Variants in DNAJC17 observed in about 807,000 individuals in gnomAD.
DNAJC17 encodes DnaJ heat shock protein family (Hsp40) member C17, also known as dnaJ homolog subfamily C member 17.
Under a neutral mutation model 48.1 loss-of-function variants are expected in DNAJC17, and 35 were observed. That is an observed-to-expected ratio of 0.73 (90% CI 0.56 to 0.96). DNAJC17 has a LOEUF of 0.96. DNAJC17 is among the 50% of genes least tolerant of loss of function. The probability of loss-of-function intolerance (pLI) is 0.00; values close to 1 mark genes in which losing one functional copy is unlikely to be tolerated. For missense variants in DNAJC17, 355 were observed against 377.1 expected (o/e 0.94, Z 0.48); for synonymous variants, 117 against 142.7 (o/e 0.82, Z 1.28).
intron 1 of DNAJC17, among the ~76,000 whole-genome samples, chr15:40,790,311 C>T (rs1189758605): frequency 1.3e-5 from 2 of 152,142 alleles, no homozygotes; most frequent in Admixed American, 6.6e-5. Context: ...CAGAGGCTCA[C>T]GCCTGTAATA....
intron 1 of DNAJC17, among the ~76,000 whole-genome samples, chr15:40,792,926 C>T (rs1446129923): frequency 7.3e-6 from 1 of 136,712 alleles, no homozygotes; most frequent in Non-Finnish European, 1.5e-5. Flanking sequence ...GAGATGGTCT[C>T]ACTTGTCACC....
Position 40,770,159 on chromosome 15 carries a change from C to T in DNAJC17, c.793-2097G>A, listed in dbSNP as rs2141944276. On this transcript the variant is annotated intron_variant, in intron 10 of 10. Coordinates refer to ENST00000220496, the MANE Select transcript of DNAJC17 (RefSeq NM_018163.3). The surrounding 1 kb of genome is among the most constrained non-coding windows in gnomAD (Gnocchi z 5.0). ...AGCCCGAGAAGGTCCACCTCTGCCTCCGCCGGAGCTGCCCTCATTCTGGCT... is the reference window on the plus strand; with the variant it reads ...AGCCCGAGAAGGTCCACCTCTGCCTTCGCCGGAGCTGCCCTCATTCTGGCT... 2 of 260,074 alleles carry T rather than the reference C, an allele frequency of 7.7e-6. No individual in the cohort carries two copies. Among genetic ancestry groups the T allele is most frequent in the East Asian group, 1.7e-4 (2 of 11,926 alleles). 16.1% of individuals were successfully genotyped at this position (260,074 alleles called of 1,614,324 possible).
rs1888939737 is a variant in DNAJC17 at position 40,766,028 on chromosome 15, C to G, written c.*1912G>C. On this transcript the variant is annotated 3_prime_UTR_variant, in exon 11 of 11. Transcript: ENST00000220496. ...AGGGACAGGGCCCAGCATCAGAGCCCCCTGCCTGCATCCTGGGGCTCTGTT... is the reference window on the plus strand; with the variant it reads ...AGGGACAGGGCCCAGCATCAGAGCCGCCTGCCTGCATCCTGGGGCTCTGTT... The G allele has an allele frequency of 6.0e-6, 3 of 501,390 alleles. No homozygotes were observed. The highest frequency in any genetic ancestry group is 1.1e-5 in the Non-Finnish European group (3 of 281,196). The allele number at this position is 501,390 out of a possible 1,614,324, so 31.1% of individuals were successfully genotyped here. A position where few individuals can be genotyped will look rare whatever the true frequency, so the allele number is the denominator to read the frequency against.
At chr15:40,774,689 T>C (rs189449509) in intron 8 of DNAJC17, among the ~76,000 whole-genome samples, 5 of 152,390 alleles carry the variant, frequency 3.3e-5, no homozygotes, top group Admixed American at 3.3e-4. Context: ...TTTCATTGCA[T>C]AGCGTCCTTG....
intron 1 of DNAJC17, among the ~76,000 whole-genome samples, chr15:40,798,901 G>A (rs950447452): frequency 5.9e-5 from 9 of 152,214 alleles, no homozygotes; most frequent in South Asian, 2.1e-4. Context: ...GTGGTGCCCC[G>A]CCTTGTGAGT....
rs1888984517 is a variant in DNAJC17 at position 40,767,754 on chromosome 15, C to T, written c.*186G>A. 1 of 791,894 alleles carries T rather than the reference C, an allele frequency of 1.3e-6. No homozygotes were observed. The allele number at this position is 791,894 out of a possible 1,614,324, so 49.1% of individuals were successfully genotyped here. Reference sequence around the variant, plus strand: ...GTGCACGGACTCTGGGACTCTCACCCTGCGGAGCGTTTCCCTGGGGGTCTG... The same window carrying T: ...GTGCACGGACTCTGGGACTCTCACCTTGCGGAGCGTTTCCCTGGGGGTCTG... On this transcript the variant is annotated 3_prime_UTR_variant, in exon 11 of 11. Transcript: ENST00000220496.
chr15:40,806,795 T>C (rs960967764), intron 1 of DNAJC17, among the ~76,000 whole-genome samples: 1 of 152,222 alleles, frequency 6.6e-6, no homozygotes, highest in Non-Finnish European at 1.5e-5. Context: ...CTTCTGATCC[T>C]CCTGCTTTTA....
intron 4 of DNAJC17, among the ~76,000 whole-genome samples, chr15:40,778,062 C>G (rs57191378): frequency 0.05 from 7,533 of 151,682 alleles, 646 homozygotes; most frequent in African/African-American, 0.17. Context: ...CACAGCGGCT[C>G]GCACCTGTAG....
chr15:40,788,465 G>A (rs542443489), intron 1 of DNAJC17, among the ~76,000 whole-genome samples: 56 of 152,324 alleles, frequency 3.7e-4, no homozygotes, highest in African/African-American at 1.3e-3. Context: ...GGGAGGCCGA[G>A]GTGGGTGGAT....
chr15:40,807,189 G>C, intron 1 of DNAJC17, 180 bp downstream of exon 1: 1 of 1,444,068 alleles, frequency 6.9e-7, no homozygotes, highest in Non-Finnish European at 9.2e-7. Context: ...TTCCTCTTGA[G>C]GCCCTCGGAC....
At chr15:40,774,263 G>C in intron 9 of DNAJC17, 93 bp downstream of exon 9, 1 of 1,410,952 alleles carries the variant, frequency 7.1e-7, no homozygotes, top group Non-Finnish European at 1.0e-6. Context: ...CCCTAGGAGT[G>C]CAGACCACCT....
rs761449037 is a variant in DNAJC17 at position 40,776,243 on chromosome 15, C to G, written c.431G>C (p.Arg144Thr). 2.5e-6 allele frequency: 4 copies of G among 1,614,180 alleles called. No homozygotes were observed. The East Asian group carries it at 8.9e-5, about 36-fold the overall frequency. The change falls in exon 6 of 11, where the codon AGG becomes ACG. Residue 144 changes from arginine to threonine, a missense_variant. Arg to Thr is a moderately conservative substitution (Grantham distance 71). Around this residue, in one of 3 missense-constraint regions of DNAJC17, gnomAD observed 199 missense variants for 199.9 expected, o/e 1.00. Coordinates refer to ENST00000220496, the MANE Select transcript of DNAJC17 (RefSeq NM_018163.3). The stretch of plus-strand genomic sequence containing the variant: ...CTGGCGTATCTGCTCCCGGATGAGC[C>G]TCTGCTGTTCCTCCAGCTGCCGGGA... ...EGSRQLEEQQ[R>T]LIREQIRQER...
At chr15:40,773,660 G>A (rs1889223053) in intron 10 of DNAJC17, 67 bp downstream of exon 10, 1 of 1,301,248 alleles carries the variant, frequency 7.7e-7, no homozygotes, top group African/African-American at 1.5e-5. Flanking sequence ...GAAAGAGCCT[G>A]AGAGGAGCCC....
Position 40,767,200 on chromosome 15 carries a change from AC to A in DNAJC17, c.*739del, listed in dbSNP as rs137970311. 365 of 1,456,848 alleles carry A rather than the reference AC, an allele frequency of 2.5e-4. No homozygotes were observed. The highest frequency in any genetic ancestry group is 3.0e-4 in the East Asian group (11 of 37,120). 90.2% of individuals were successfully genotyped at this position (1,456,848 alleles called of 1,614,324 possible). On this transcript the variant is annotated 3_prime_UTR_variant, in exon 11 of 11. Coordinates refer to ENST00000220496, the MANE Select transcript of DNAJC17 (RefSeq NM_018163.3). Reference sequence around the variant, plus strand: ...AGGAGCTTGCTGTGTGCCCCTCCTCACCCCCCCCATCCTGTCTCTTTGCAGT... The same window carrying A: ...AGGAGCTTGCTGTGTGCCCCTCCTCACCCCCCCATCCTGTCTCTTTGCAGT...
At chr15:40,807,056 G>A (rs568476251) in intron 1 of DNAJC17, 17 of 595,688 alleles carry the variant, frequency 2.9e-5, no homozygotes, top group Admixed American at 2.8e-4. Flanking sequence ...CGGAAACGGA[G>A]GCCGAGACTG....
In DNAJC17 at chr15:40,779,579, T is replaced by C. The variant is rs1889423415; in HGVS notation, c.173A>G (p.Gln58Arg). 4.3e-6 allele frequency: 7 copies of C among 1,613,698 alleles called. No individual in the cohort carries two copies. Among genetic ancestry groups the C allele is most frequent in the Non-Finnish European group, 5.1e-6 (6 of 1,179,970 alleles). Residue 58 changes from glutamine to arginine, a missense_variant, in exon 3 of 11, where the codon CAG becomes CGG. By Grantham distance (43) the Gln-to-Arg change is conservative. This residue lies in a region of DNAJC17 where 199 missense variants were observed against 199.9 expected (regional missense o/e 1.00). Transcript: ENST00000220496. ...AGCATCGGTCAGCACCTCCAAGGCC[T>C]GAGAAAGCTGGTGGAAGAGTTCAGC... ...RAAELFHQLS[Q>R]ALEVLTDAAA... is the part of the protein sequence containing the mutation.
intron 1 of DNAJC17, chr15:40,807,127 G>A (rs1380910043): frequency 3.1e-6 from 3 of 975,728 alleles, no homozygotes; most frequent in East Asian, 2.7e-5. Flanking sequence ...TAGGAGACAG[G>A]GGCCACGGGG....
rs1238828208 is a variant in DNAJC17, at chr15:40,765,925, A to C, written c.*2015T>G. On this transcript the variant is annotated 3_prime_UTR_variant, in exon 11 of 11. Coordinates refer to ENST00000220496, the MANE Select transcript of DNAJC17 (RefSeq NM_018163.3). ...GAAGAGCCTTGGGAAACAACTTGTA[A>C]GTAGCAGCCTCCCTCAGTATCCTCT... 2 of 1,495,756 alleles carry C rather than the reference A, an allele frequency of 1.3e-6. No individual in the cohort carries two copies. Among genetic ancestry groups the C allele is most frequent in the African/African-American group, 1.4e-5 (1 of 72,332 alleles). 92.7% of individuals were successfully genotyped at this position (1,495,756 alleles called of 1,614,324 possible). A position where few individuals can be genotyped will look rare whatever the true frequency, so the allele number is the denominator to read the frequency against.
At chr15:40,771,001 T>G (rs1454775678) in intron 10 of DNAJC17, 1 of 1,550,694 alleles carries the variant, frequency 6.4e-7, no homozygotes, top group African/African-American at 1.4e-5. Context: ...AGGGAGCAGT[T>G]TCCTAGCGAG....
Sources: allele counts gnomAD v4.1 joint callset (sites outside exome capture counted in the v4.1 genomes callset), GRCh38; gene constraint gnomAD v4.1.1; regional missense constraint gnomAD v4.1.1; non-coding constraint Gnocchi (gnomAD v3.1); transcripts MANE v1.5; gene names NCBI Gene and HGNC (gene_info 2026-07-23, HGNC 2026-07-21).